The following WASF1 variants were observed in gnomAD, a reference collection of about 807,000 sequenced individuals.
WASF1 encodes WASP family member 1.
WASF1 carries 7 observed loss-of-function variants against 50.5 expected under a neutral mutation model. The ratio of observed to expected loss-of-function variants is 0.14; its 90% confidence interval spans 0.08 to 0.26. The LOEUF (loss-of-function observed/expected upper bound fraction) is 0.26. Among genes scored for constraint, WASF1 ranks in the 10% least tolerant of loss-of-function variants. The pLI is 1.00. For synonymous variants in WASF1, 205 were observed against 244.0 expected (o/e 0.84, Z 1.49); for missense variants, 470 against 694.7 (o/e 0.68, Z 3.64).
chr6:110,138,491 G>A (rs182076037), intron 3 of WASF1, among the ~76,000 whole-genome samples: 18 of 152,302 alleles, frequency 1.2e-4, no homozygotes, highest in African/African-American at 2.6e-4. Flanking sequence ...CTTGTCCCAC[G>A]TCTGGGAAGA....
At chr6:110,124,903 C>T (rs1475170038) in intron 4 of WASF1, among the ~76,000 whole-genome samples, 1 of 152,028 alleles carries the variant, frequency 6.6e-6, no homozygotes, top group Non-Finnish European at 1.5e-5. Context: ...GAGCAAGACT[C>T]TGTTTCAAAA....
intron 4 of WASF1, among the ~76,000 whole-genome samples, chr6:110,124,266 CTCTCTCTCTATATATA>C (rs1298856195): frequency 3.2e-5 from 2 of 62,638 alleles, no homozygotes; most frequent in Non-Finnish European, 2.7e-5. Flanking sequence ...CTCTCTCTCT[CTCTCTCTCTATATATA>C]TATATATATA....
chr6:110,120,636 T>C (rs142241356), intron 4 of WASF1, among the ~76,000 whole-genome samples: 6,046 of 152,140 alleles, frequency 0.04, 129 homozygotes, highest in East Asian at 0.12. Context: ...GATTCAATGC[T>C]ATCCCCATCA....
At chr6:110,118,662 A>G (rs1429904094) in intron 4 of WASF1, among the ~76,000 whole-genome samples, 1 of 152,200 alleles carries the variant, frequency 6.6e-6, no homozygotes, top group Admixed American at 6.5e-5. Context: ...AAAGATATCC[A>G]GGACTTGAAC....
In WASF1 at chr6:110,139,363, C is replaced by T. The variant is rs146954735; in HGVS notation, c.-28-11734G>A. 2.4e-3 allele frequency among the ~76,000 whole-genome samples: 373 copies of T among 152,278 alleles called. 4 individuals are homozygous for T. Among genetic ancestry groups the T allele is most frequent in the Admixed American group, 0.01 (159 of 15,290 alleles). On this transcript the variant is annotated intron_variant, in intron 3 of 10. Transcript: ENST00000392589. ...CTCCCACCCCACCAACTTGGTAGAGCGCAGGGCTCCCACCTGTTCCCAGCC... is the reference window on the plus strand; with the variant it reads ...CTCCCACCCCACCAACTTGGTAGAGTGCAGGGCTCCCACCTGTTCCCAGCC...
At chr6:110,150,509 C>G (rs1775775208) in intron 3 of WASF1, among the ~76,000 whole-genome samples, 1 of 152,124 alleles carries the variant, frequency 6.6e-6, no homozygotes, top group African/African-American at 2.4e-5. Context: ...TTCAAGTGCT[C>G]AATAGCCATA....
chr6:110,158,660 G>A (rs1776128316), intron 3 of WASF1, among the ~76,000 whole-genome samples: 1 of 151,900 alleles, frequency 6.6e-6, no homozygotes, highest in African/African-American at 2.4e-5. Flanking sequence ...GATAAAATAA[G>A]TGAGTAATTC....
intron 4 of WASF1, among the ~76,000 whole-genome samples, chr6:110,117,150 A>T (rs529950562): frequency 1.3e-5 from 2 of 152,166 alleles, no homozygotes; most frequent in Non-Finnish European, 2.9e-5. Flanking sequence ...AAAAAACTGG[A>T]TGGAAAATGA....
chr6:110,161,040 G>A (rs1776241900), intron 2 of WASF1, among the ~76,000 whole-genome samples: 1 of 151,182 alleles, frequency 6.6e-6, no homozygotes, highest in Admixed American at 6.6e-5. Flanking sequence ...TGCTACTAAA[G>A]CCGTATCTGA....
At chr6:110,176,763 C>T (rs1265268052) in intron 2 of WASF1, among the ~76,000 whole-genome samples, 2 of 152,036 alleles carry the variant, frequency 1.3e-5, no homozygotes, top group Non-Finnish European at 2.9e-5. Flanking sequence ...GACTTTACTG[C>T]ATTTACCCAA....
At chr6:110,163,624 A>C (rs1415165451) in intron 2 of WASF1, among the ~76,000 whole-genome samples, 1 of 151,582 alleles carries the variant, frequency 6.6e-6, no homozygotes, top group Non-Finnish European at 1.5e-5. Flanking sequence ...ATAACAGATA[A>C]GAAAACTCAA....
chr6:110,104,680 T>C (rs1311306175), intron 8 of WASF1, among the ~76,000 whole-genome samples: 1 of 152,080 alleles, frequency 6.6e-6, no homozygotes. Flanking sequence ...TCCCAGCTAC[T>C]TGGGAGGCTG....
chr6:110,146,428 C>T (rs1775563871), intron 3 of WASF1, among the ~76,000 whole-genome samples: 1 of 151,300 alleles, frequency 6.6e-6, no homozygotes. Context: ...TAATAAACTC[C>T]CATGCCAATG....
chr6:110,163,689 A>C (rs959096407), intron 2 of WASF1, among the ~76,000 whole-genome samples: 2 of 151,604 alleles, frequency 1.3e-5, no homozygotes, highest in African/African-American at 4.8e-5. Context: ...ACACAATCCT[A>C]ATCAAAATTC....
intron 3 of WASF1, among the ~76,000 whole-genome samples, chr6:110,136,430 G>C (rs1473393281): frequency 2.6e-5 from 4 of 152,102 alleles, no homozygotes; most frequent in Non-Finnish European, 5.9e-5. Context: ...ATCTGCTAAT[G>C]TACCTACATC....
intron 3 of WASF1, among the ~76,000 whole-genome samples, chr6:110,130,847 A>G (rs1003244024): frequency 3.3e-5 from 5 of 152,354 alleles, no homozygotes; most frequent in South Asian, 2.1e-4. Context: ...CCACATCCCC[A>G]TAACACTTGA....
intron 3 of WASF1, among the ~76,000 whole-genome samples, chr6:110,131,284 TC>T (rs899754539): frequency 6.6e-6 from 1 of 152,224 alleles, no homozygotes; most frequent in Non-Finnish European, 1.5e-5. Flanking sequence ...CTTTGTTTTT[TC>T]TTATAATCTG....
intron 2 of WASF1, among the ~76,000 whole-genome samples, chr6:110,178,123 T>C (rs763268574): frequency 6.6e-5 from 10 of 152,122 alleles, no homozygotes; most frequent in African/African-American, 2.2e-4. Context: ...ATGACTGATA[T>C]GATGGTTAAA....
chr6:110,127,545 A>C lies in WASF1; in HGVS notation c.57T>G (p.Pro19=), dbSNP rs2114516885. The change falls in exon 4 of 11, where the codon CCT becomes CCG. Residue 19 remains proline (P), a synonymous_variant. Coordinates refer to ENST00000392589, the MANE Select transcript of WASF1 (RefSeq NM_003931.3). ...DPRHLCHTAL[P]RGIKNELECV... The stretch of plus-strand genomic sequence containing the variant: ...ATTCCAGTTCATTCTTAATGCCTCT[A>C]GGCAGTGCTGTGTGGCACAAGTGCC... 1.2e-6 allele frequency: 2 copies of C among 1,601,532 alleles called. No individual in the cohort carries two copies. Among genetic ancestry groups the C allele is most frequent in the Non-Finnish European group, 1.7e-6 (2 of 1,174,672 alleles).
Sources: gnomAD v4.1 joint callset for allele counts (sites outside exome capture counted in the v4.1 genomes callset) on GRCh38, gnomAD v4.1.1 for gene constraint, MANE v1.5 for transcripts, NCBI Gene and HGNC (gene_info 2026-07-23, HGNC 2026-07-21) for gene names.